DCLK2: variants seen among roughly 807,000 people sequenced by gnomAD.
DCLK2 encodes the protein serine/threonine-protein kinase DCLK2.
DCLK2 carries 31 observed loss-of-function variants against 78.4 expected under a neutral mutation model. That is an observed-to-expected ratio of 0.40 (90% CI 0.30 to 0.53). The LOEUF (loss-of-function observed/expected upper bound fraction) is 0.53, where lower values mean the gene tolerates loss of function less well. DCLK2 is among the 20% of genes least tolerant of loss of function. The probability of loss-of-function intolerance (pLI) is 0.61; values close to 1 mark genes in which losing one functional copy is unlikely to be tolerated. For synonymous variants in DCLK2, 407 were observed against 374.9 expected, an observed-to-expected ratio of 1.09 and a Z score of -0.99; for missense variants, 872 against 973.7, an observed-to-expected ratio of 0.90 and a Z score of 1.39.
chr4:150,102,836 T>A (rs1349243415), intron 2 of DCLK2, 24 bp downstream of exon 2: 19 of 1,564,780 alleles, frequency 1.2e-5, no homozygotes, highest in Non-Finnish European at 1.6e-5. Flanking sequence ...AGCTCCCAGC[T>A]CTCCATCTGA....
In DCLK2 at chr4:150,136,979, C is replaced by CTTTTTTTTTTTTTT. The variant is rs35729685; in HGVS notation, c.756+34176_756+34189dup. ...TTCTCATCTTTTTCTTCTTCTTCTT[C>CTTTTTTTTTTTTTT]TTTTTTTTTTTTTTTTTTTTTTGAG... On this transcript the variant is annotated intron_variant, in intron 2 of 15. Coordinates refer to ENST00000296550, the MANE Select transcript of DCLK2 (RefSeq NM_001040260.4). Among the ~76,000 whole-genome samples, 8 of 82,406 alleles carry CTTTTTTTTTTTTTT rather than the reference C, an allele frequency of 9.7e-5. 1 individual carries two copies. Among genetic ancestry groups the CTTTTTTTTTTTTTT allele is most frequent in the South Asian group, 6.4e-4 (1 of 1,560 alleles). The allele number at this position is 82,406 out of a possible 152,430, so 54.1% of individuals were successfully genotyped here.
chr4:150,154,836 G>A (rs1457990173), intron 2 of DCLK2, among the ~76,000 whole-genome samples: 1 of 152,142 alleles, frequency 6.6e-6, no homozygotes, highest in Non-Finnish European at 1.5e-5. Flanking sequence ...ATTGAGTTGT[G>A]ACAAGTGTAT....
intron 2 of DCLK2, among the ~76,000 whole-genome samples, chr4:150,187,390 A>G (rs140750315): frequency 2.6e-4 from 40 of 152,320 alleles, no homozygotes; most frequent in African/African-American, 9.1e-4. Context: ...ATCTTTCCAC[A>G]GGGCTTTTGT....
At chr4:150,082,425 C>T (rs1300499891) in intron 1 of DCLK2, among the ~76,000 whole-genome samples, 1 of 152,160 alleles carries the variant, frequency 6.6e-6, no homozygotes, top group African/African-American at 2.4e-5. Flanking sequence ...ACTCAGATGA[C>T]AAAAGAAATT....
chr4:150,175,010 A>AT lies in DCLK2; in HGVS notation c.757-18128_757-18127insT, dbSNP rs1736855848. Among the ~76,000 whole-genome samples the AT allele has an allele frequency of 1.0e-3, 26 of 25,190 alleles. 3 individuals carry two copies. The highest frequency in any genetic ancestry group is 1.2e-3 in the African/African-American group (11 of 8,964). 16.5% of individuals were successfully genotyped at this position (25,190 alleles called of 152,430 possible). A position where few individuals can be genotyped will look rare whatever the true frequency, so the allele number is the denominator to read the frequency against. ...GAGACTCCGTCGCAAAAAAAAAAAA[A>AT]AATATATATATATATATATATATTT... On this transcript the variant is annotated intron_variant, in intron 2 of 15. Transcript: ENST00000296550.
intron 4 of DCLK2, chr4:150,199,074 C>A: frequency 6.3e-7 from 1 of 1,596,054 alleles, no homozygotes; most frequent in Non-Finnish European, 8.5e-7. Context: ...CAGCCAAATC[C>A]CCAGGTGAGC....
At chr4:150,167,715 G>T (rs929595299) in intron 2 of DCLK2, among the ~76,000 whole-genome samples, 1 of 152,140 alleles carries the variant, frequency 6.6e-6, no homozygotes, top group Non-Finnish European at 1.5e-5. Flanking sequence ...CGCAGCCAGC[G>T]CCAGAGAAGG....
chr4:150,153,280 A>C (rs1229430335), intron 2 of DCLK2, among the ~76,000 whole-genome samples: 1 of 152,198 alleles, frequency 6.6e-6, no homozygotes, highest in Non-Finnish European at 1.5e-5. Context: ...GGGGCCTTCC[A>C]TGTGGTGCTG....
At chr4:150,196,091 A>T (rs920531838) in intron 3 of DCLK2, among the ~76,000 whole-genome samples, 1 of 152,108 alleles carries the variant, frequency 6.6e-6, no homozygotes, top group Non-Finnish European at 1.5e-5. Flanking sequence ...TTTAACTTGT[A>T]TTGTAATCTT....
chr4:150,225,570 A>G (rs1741539253), intron 8 of DCLK2, among the ~76,000 whole-genome samples: 1 of 152,246 alleles, frequency 6.6e-6, no homozygotes, highest in Non-Finnish European at 1.5e-5. Context: ...ACTTGAATGT[A>G]GCGAGTCTGG....
At chr4:150,079,551 C>T (rs1729089374) in intron 1 of DCLK2, 103 bp downstream of exon 1, 1 of 1,193,782 alleles carries the variant, frequency 8.4e-7, no homozygotes, top group East Asian at 2.8e-5. Context: ...TTCCAAGCCG[C>T]ACGGGAATTG....
At chr4:150,141,601 C>G (rs1734106498) in intron 2 of DCLK2, among the ~76,000 whole-genome samples, 2 of 152,158 alleles carry the variant, frequency 1.3e-5, no homozygotes, top group Admixed American at 1.3e-4. Flanking sequence ...TATTCATTGT[C>G]ACTTTTCTTC....
At chr4:150,196,168 G>A in intron 3 of DCLK2, among the ~76,000 whole-genome samples, 1 of 152,240 alleles carries the variant, frequency 6.6e-6, no homozygotes, top group Middle Eastern at 3.4e-3. Flanking sequence ...CATTCAGAAT[G>A]CATGGAATTC....
intron 5 of DCLK2, among the ~76,000 whole-genome samples, chr4:150,212,773 C>A (rs927299686): frequency 2.0e-5 from 3 of 152,122 alleles, no homozygotes; most frequent in Admixed American, 1.3e-4. Context: ...TAAATAGGAT[C>A]AATTGTAAGA....
intron 15 of DCLK2, among the ~76,000 whole-genome samples, chr4:150,255,156 T>A (rs1252750750): frequency 6.6e-6 from 1 of 152,234 alleles, no homozygotes; most frequent in Non-Finnish European, 1.5e-5. Context: ...GAATCTTTAG[T>A]GCATTTTCCC....
rs762000752 is a variant in DCLK2 at position 150,079,106 on chromosome 4, G to C, written c.79G>C (p.Ala27Pro). The change falls in exon 1 of 16, where the codon GCC (alanine) becomes CCC (proline). Residue 27 changes from alanine to proline, a missense_variant. By Grantham distance (27) the Ala-to-Pro change is conservative. Transcript: ENST00000296550. ...KRPRPGSRRG[A>P]PSSSGGSSSS... is the part of the protein sequence containing the mutation. ...GCCGCGGCCGGGGTCGCGGAGAGGG[G>C]CCCCCAGCTCCTCCGGGGGCAGCAG... 6 of 1,569,538 alleles carry C rather than the reference G, an allele frequency of 3.8e-6. No individual in the cohort carries two copies. In the African/African-American group the frequency reaches 8.2e-5, roughly 21 times the overall value.
At chr4:150,253,458 G>C (rs779592952) in intron 15 of DCLK2, 19 of 1,289,536 alleles carry the variant, frequency 1.5e-5, no homozygotes, top group Non-Finnish European at 1.8e-5. Flanking sequence ...GGTGTTATCT[G>C]CATTTTGTTT....
intron 1 of DCLK2, among the ~76,000 whole-genome samples, chr4:150,095,189 C>G (rs906016872): frequency 2.6e-5 from 4 of 152,182 alleles, no homozygotes; most frequent in Non-Finnish European, 4.4e-5. Flanking sequence ...GACTACTAGT[C>G]ATGTCAAGAA....
chr4:150,225,032 G>C (rs1384376281), intron 8 of DCLK2, among the ~76,000 whole-genome samples: 1 of 152,202 alleles, frequency 6.6e-6, no homozygotes, highest in Non-Finnish European at 1.5e-5. Context: ...TGAGGCTGAG[G>C]AGCCCAGCTG....
Sources: allele counts gnomAD v4.1 joint callset (sites outside exome capture counted in the v4.1 genomes callset), GRCh38; gene constraint gnomAD v4.1.1; transcripts MANE v1.5; gene names NCBI Gene and HGNC (gene_info 2026-07-23, HGNC 2026-07-21).